Variants in ACOT12 observed in about 807,000 individuals in gnomAD.
ACOT12 encodes acetyl-coenzyme A thioesterase.
Under a neutral mutation model 67.7 loss-of-function variants are expected in ACOT12, and 51 were observed. The ratio of observed to expected loss-of-function variants is 0.75; its 90% CI spans 0.60 to 0.95. The LOEUF (loss-of-function observed/expected upper bound fraction) is 0.95. Ranked by LOEUF, ACOT12 falls within the 40% of genes least tolerant of loss-of-function variation. ACOT12 has a pLI of 0.00. For missense variants in ACOT12, 734 were observed against 708.1 expected (o/e 1.04, Z -0.41); for synonymous variants, 251 against 244.6 (o/e 1.03, Z -0.24).
intron 2 of ACOT12, among the ~76,000 whole-genome samples, chr5:81,383,280 G>A (rs1304513924): frequency 2.6e-5 from 4 of 152,166 alleles, no homozygotes; most frequent in Non-Finnish European, 5.9e-5. Flanking sequence ...TCGGGAGGCT[G>A]AGGCAGGACA....
intron 11 of ACOT12, among the ~76,000 whole-genome samples, chr5:81,342,217 C>T (rs1218392619): frequency 1.3e-5 from 2 of 152,164 alleles, no homozygotes; most frequent in Non-Finnish European, 2.9e-5. Context: ...TATCAAACTC[C>T]TGGCCTCAAG....
In ACOT12 at chr5:81,330,244, A is replaced by C. The variant is rs2153840987; in HGVS notation, c.*150T>G. The C allele has an allele frequency of 1.3e-6, 1 of 776,592 alleles. No homozygotes were observed. Among genetic ancestry groups the C allele is most frequent in the Non-Finnish European group, 2.0e-6 (1 of 510,354 alleles). The allele number at this position is 776,592 out of a possible 1,614,324, so 48.1% of individuals were successfully genotyped here. ...ATCCAAATCACTGGTATTTGACTTA[A>C]GATGCATTTTGTTTTTTAACTCCGT... On this transcript the variant is annotated 3_prime_UTR_variant, in exon 15 of 15. Transcript: ENST00000307624.
chr5:81,345,887 G>C lies in ACOT12; in HGVS notation c.771C>G (p.Thr257=), dbSNP rs757331270. ...FTAIVNNTFQ[T]CVEVGVRVEA... ...AGCAGCCTAAGGGCTCACTTTACCA[G>C]GTCTGAAATGTATTGTTGACAATGG... Residue 257 remains threonine, a splice_region_variant and synonymous_variant, in exon 7 of 15, where the codon ACC becomes ACG. Transcript: ENST00000307624. 1.9e-6 allele frequency: 3 copies of C among 1,613,594 alleles called. No individual in the cohort carries two copies. In the Admixed American group the frequency reaches 5.0e-5, roughly 27 times the overall value.
intron 4 of ACOT12, among the ~76,000 whole-genome samples, chr5:81,363,219 G>A (rs1376800424): frequency 6.6e-6 from 1 of 152,094 alleles, no homozygotes; most frequent in African/African-American, 2.4e-5. Context: ...GCCTCCAGAT[G>A]AGTGGATCTG....
At chr5:81,343,613 T>C (rs1367727032) in intron 10 of ACOT12, among the ~76,000 whole-genome samples, 1 of 152,240 alleles carries the variant, frequency 6.6e-6, no homozygotes, top group Admixed American at 6.5e-5. Flanking sequence ...GTTTGGGAAC[T>C]GTAAGAAGTC....
In ACOT12 at chr5:81,374,430, TCTC is replaced by T. The variant is rs1760347338; in HGVS notation, c.198-2623_198-2621del. The stretch of plus-strand genomic sequence containing the variant: ...AAATTCCAAAAACCAGAATGCCTCT[TCTC>T]CTTCAAAGGATCACAACTCCGTGCC... On this transcript the variant is annotated intron_variant, in intron 2 of 14. Transcript: ENST00000307624. Among the ~76,000 whole-genome samples the T allele has an allele frequency of 3.3e-5, 5 of 152,156 alleles. No homozygotes were observed. The Middle Eastern group carries it at 0.01, about 311-fold the overall frequency.
the ACOT12 span, among the ~76,000 whole-genome samples, chr5:81,311,751 C>A: frequency 6.6e-6 from 1 of 152,164 alleles, no homozygotes; most frequent in African/African-American, 2.4e-5. Flanking sequence ...CAGTATCTGG[C>A]GATTTTCTTC....
At chr5:81,378,794 C>T (rs879547983) in intron 2 of ACOT12, among the ~76,000 whole-genome samples, 17 of 152,286 alleles carry the variant, frequency 1.1e-4, no homozygotes, top group East Asian at 7.7e-4. Context: ...TTCCATCTCA[C>T]GCCAGTTACA....
intron 5 of ACOT12, among the ~76,000 whole-genome samples, chr5:81,348,353 T>G (rs1262679793): frequency 1.3e-5 from 2 of 152,186 alleles, no homozygotes; most frequent in African/African-American, 4.8e-5. Flanking sequence ...ACTTATCAAA[T>G]TATATGCTTT....
At chr5:81,320,286 A>G in the ACOT12 span, among the ~76,000 whole-genome samples, 12 of 152,320 alleles carry the variant, frequency 7.9e-5, no homozygotes, top group South Asian at 2.5e-3. Context: ...CTGCCTGGGA[A>G]AGGAAATAAA....
chr5:81,310,797 T>G, the ACOT12 span, among the ~76,000 whole-genome samples: 1 of 152,216 alleles, frequency 6.6e-6, no homozygotes, highest in Non-Finnish European at 1.5e-5. Context: ...TAATCTGTTT[T>G]TGGGCCATTG....
At chr5:81,375,522 C>T (rs1158852600) in intron 2 of ACOT12, among the ~76,000 whole-genome samples, 1 of 152,086 alleles carries the variant, frequency 6.6e-6, no homozygotes, top group African/African-American at 2.4e-5. Flanking sequence ...AGGCTAAATG[C>T]CCCAATTAAA....
intron 5 of ACOT12, among the ~76,000 whole-genome samples, chr5:81,352,040 C>CA (rs762995501): frequency 6.6e-6 from 1 of 152,120 alleles, no homozygotes; most frequent in Non-Finnish European, 1.5e-5. Flanking sequence ...AAATGCAAAT[C>CA]AAAACTACAA....
intron 2 of ACOT12, among the ~76,000 whole-genome samples, chr5:81,373,474 G>A (rs1440668155): frequency 6.6e-6 from 1 of 152,146 alleles, no homozygotes; most frequent in East Asian, 1.9e-4. Flanking sequence ...CTGCAGGAGT[G>A]TTTTTTTCAT....
the ACOT12 span, among the ~76,000 whole-genome samples, chr5:81,315,668 A>G: frequency 6.6e-6 from 1 of 152,208 alleles, no homozygotes; most frequent in Non-Finnish European, 1.5e-5. Flanking sequence ...GAAATTTTAA[A>G]GCTGAAATCT....
rs1278470030 is a variant in ACOT12 at position 81,359,105 on chromosome 5, T to A, written c.496+798A>T. Among the ~76,000 whole-genome samples the A allele has an allele frequency of 3.3e-5, 5 of 152,286 alleles. No individual in the cohort carries two copies. The East Asian group carries it at 7.7e-4, about 24-fold the overall frequency. Reference sequence around the variant, plus strand: ...GTTCTGACATGTTCTTGTCCTCTCCTTTCCTTCCTCTTCTTCCGGTGCCTT... The same window carrying A: ...GTTCTGACATGTTCTTGTCCTCTCCATTCCTTCCTCTTCTTCCGGTGCCTT... On this transcript the variant is annotated intron_variant, in intron 5 of 14. Coordinates refer to ENST00000307624, the MANE Select transcript of ACOT12 (RefSeq NM_130767.3).
intron 5 of ACOT12, among the ~76,000 whole-genome samples, chr5:81,355,241 C>A (rs2153852820): frequency 6.6e-6 from 1 of 152,324 alleles, no homozygotes; most frequent in East Asian, 1.9e-4. Flanking sequence ...ATTTAATGCT[C>A]CCATAAACCC....
chr5:81,312,453 A>G, the ACOT12 span: 3 of 974,866 alleles, frequency 3.1e-6, no homozygotes, highest in Non-Finnish European at 3.1e-6. Context: ...ATTCATATCA[A>G]AATGAGTTCC....
intron 8 of ACOT12, among the ~76,000 whole-genome samples, chr5:81,344,464 C>T (rs988585585): frequency 2.0e-5 from 3 of 152,184 alleles, no homozygotes; most frequent in East Asian, 1.9e-4. Flanking sequence ...ATTAACATTC[C>T]TGTTACCAGA....
Sources: allele counts gnomAD v4.1 joint callset (sites outside exome capture counted in the v4.1 genomes callset), GRCh38; gene constraint gnomAD v4.1.1; transcripts MANE v1.5; gene names NCBI Gene and HGNC (gene_info 2026-07-23, HGNC 2026-07-21).